Variants in EXOC2 observed in about 807,000 individuals in gnomAD.
The protein encoded by EXOC2 is SEC5-like 1.
A neutral mutation model predicts 131.8 loss-of-function variants in EXOC2; 70 were observed. That is an observed-to-expected ratio of 0.53 (90% CI 0.44 to 0.65). EXOC2 has a LOEUF of 0.65. Ranked by LOEUF, EXOC2 falls within the 30% of genes least tolerant of loss-of-function variation. EXOC2 has a pLI of 0.00. For missense variants in EXOC2, 923 were observed against 1,108.6 expected, an observed-to-expected ratio of 0.83 and a Z score of 2.38; for synonymous variants, 411 against 398.4, an observed-to-expected ratio of 1.03 and a Z score of -0.38.
intron 23 of EXOC2, among the ~76,000 whole-genome samples, chr6:503,850 G>C (rs1477901209): frequency 6.6e-6 from 1 of 152,168 alleles, no homozygotes; most frequent in African/African-American, 2.4e-5. Flanking sequence ...CAGCCGAGTA[G>C]CACGCCCGCA....
At position 599,692 on chromosome 6, in the gene EXOC2, A is replaced by C. The variant is rs746384741; in HGVS notation, c.743-467T>G. ...ATTTTCAGGAAAGTTGCTCAATAGAAATATTTAAAACAAATTCTATTCCTT... is the reference window on the plus strand; with the variant it reads ...ATTTTCAGGAAAGTTGCTCAATAGACATATTTAAAACAAATTCTATTCCTT... On this transcript the variant is annotated intron_variant, in intron 7 of 27. Transcript: ENST00000230449. Among the ~76,000 whole-genome samples the C allele has an allele frequency of 5.3e-4, 81 of 152,364 alleles. 1 individual carries two copies. The highest frequency in any genetic ancestry group is 6.8e-3 in the Middle Eastern group (2 of 294).
chr6:662,046 A>C (rs980043895), intron 1 of EXOC2, among the ~76,000 whole-genome samples: 3 of 152,270 alleles, frequency 2.0e-5, no homozygotes, highest in African/African-American at 7.2e-5. Flanking sequence ...ACAGCAGTTA[A>C]AACAGACAAA....
intron 11 of EXOC2, among the ~76,000 whole-genome samples, chr6:588,604 C>T (rs938989008): frequency 6.6e-5 from 10 of 152,236 alleles, no homozygotes; most frequent in African/African-American, 2.2e-4. Context: ...CCGCCCGCCT[C>T]GGCCTCCCAA....
chr6:662,295 A>G lies in EXOC2; in HGVS notation c.-43-24434T>C, dbSNP rs112837495. Among the ~76,000 whole-genome samples the G allele has an allele frequency of 9.1e-3, 1,390 of 152,350 alleles. 7 individuals are homozygous for G. Among genetic ancestry groups the G allele is most frequent in the African/African-American group, 0.02 (833 of 41,568 alleles). ...CAACGGATTTAAATGATACCTTGGA[A>G]CAAATGGACTTAACAGATATATACA... On this transcript the variant is annotated intron_variant, in intron 1 of 27. Coordinates refer to ENST00000230449, the MANE Select transcript of EXOC2 (RefSeq NM_018303.6).
intron 1 of EXOC2, among the ~76,000 whole-genome samples, chr6:653,911 CACTT>C (rs758547192): frequency 3.0e-4 from 46 of 152,320 alleles, no homozygotes; most frequent in Non-Finnish European, 5.0e-4. Context: ...AGCCAATGCT[CACTT>C]ACCATTCTGA....
chr6:516,774 T>C (rs1449478498), intron 23 of EXOC2, among the ~76,000 whole-genome samples: 1 of 152,206 alleles, frequency 6.6e-6, no homozygotes. Context: ...AGTCCCTCCA[T>C]AATTAGATAA....
intron 2 of EXOC2, 129 bp from the exon 3 acceptor site, chr6:633,246 G>T: frequency 2.0e-6 from 2 of 980,712 alleles, no homozygotes; most frequent in Non-Finnish European, 2.9e-6. Context: ...AATATTATTT[G>T]CAGATATACT....
At chr6:570,279 G>T (rs1187631383) in intron 13 of EXOC2, among the ~76,000 whole-genome samples, 1 of 151,748 alleles carries the variant, frequency 6.6e-6, no homozygotes, top group East Asian at 1.9e-4. Flanking sequence ...AACTACAGGC[G>T]CCCGCCACCA....
At chr6:555,096 A>C (rs1757348972) in intron 20 of EXOC2, 131 bp downstream of exon 20, 1 of 454,666 alleles carries the variant, frequency 2.2e-6, no homozygotes, top group African/African-American at 2.0e-5. Flanking sequence ...ATAAAAAAAA[A>C]CTATTACTTC....
intron 1 of EXOC2, among the ~76,000 whole-genome samples, chr6:658,645 T>TTATATATATATATATATATATA (rs373868934): frequency 8.4e-6 from 1 of 118,344 alleles, no homozygotes; most frequent in African/African-American, 3.1e-5. Context: ...TATATATATT[T>TTATATATATATATATATATATA]TATATATATA....
intron 1 of EXOC2, among the ~76,000 whole-genome samples, chr6:674,926 T>C (rs1049466814): frequency 2.6e-5 from 4 of 152,014 alleles, no homozygotes; most frequent in South Asian, 2.1e-4. Context: ...GCCAGCCAAC[T>C]AGGGACCACT....
chr6:548,411 T>C (rs1324227262), intron 22 of EXOC2, among the ~76,000 whole-genome samples: 1 of 152,228 alleles, frequency 6.6e-6, no homozygotes, highest in African/African-American at 2.4e-5. Context: ...GGTACTAGCA[T>C]AGTTTTACTG....
intron 23 of EXOC2, among the ~76,000 whole-genome samples, chr6:501,003 C>T (rs1176462549): frequency 1.4e-5 from 2 of 146,086 alleles, no homozygotes; most frequent in Non-Finnish European, 3.0e-5. Context: ...AGATCAATAT[C>T]AAGGGCATAG....
intron 1 of EXOC2, among the ~76,000 whole-genome samples, chr6:657,731 A>G (rs1763200493): frequency 6.6e-6 from 1 of 150,740 alleles, no homozygotes; most frequent in South Asian, 2.1e-4. Context: ...ACTGGGTAGT[A>G]GCAATCTGTT....
At chr6:642,136 CAA>C (rs1762384669) in intron 1 of EXOC2, among the ~76,000 whole-genome samples, 1 of 151,806 alleles carries the variant, frequency 6.6e-6, no homozygotes, top group African/African-American at 2.4e-5. Context: ...CTCTTTGCAC[CAA>C]AGAGAAATTT....
At chr6:611,422 A>G (rs1760708226) in intron 6 of EXOC2, among the ~76,000 whole-genome samples, 1 of 152,240 alleles carries the variant, frequency 6.6e-6, no homozygotes, top group African/African-American at 2.4e-5. Flanking sequence ...GTTGCTTTCT[A>G]AGTCAAAATT....
chr6:685,847 T>A (rs1055604083), intron 1 of EXOC2, among the ~76,000 whole-genome samples: 1 of 148,746 alleles, frequency 6.7e-6, no homozygotes, highest in Non-Finnish European at 1.5e-5. Context: ...TAAGAAGTAA[T>A]GTATCCTGCT....
intron 26 of EXOC2, 42 bp from the exon 27 acceptor site, chr6:489,080 GGAGAACTGCTGACAA>G: frequency 6.3e-7 from 1 of 1,592,738 alleles, no homozygotes; most frequent in Non-Finnish European, 8.6e-7. Context: ...GCCTTGCACA[GGAGAACTGCTGACAA>G]ATTCTTAAGC....
chr6:619,580 TTATTATGACAAAAATGGAAAAGG>T, intron 4 of EXOC2, 37 bp from the exon 5 acceptor site: 1 of 1,454,030 alleles, frequency 6.9e-7, no homozygotes, highest in South Asian at 1.1e-5. Flanking sequence ...ATTTCAATGG[TTATTATGACAAAAATGGAAAAGG>T]TATCACTAAG....
Sources: allele counts gnomAD v4.1 joint callset (sites outside exome capture counted in the v4.1 genomes callset), GRCh38; gene constraint gnomAD v4.1.1; transcripts MANE v1.5; gene names NCBI Gene and HGNC (gene_info 2026-07-23, HGNC 2026-07-21).